Variants in CFAP54 observed in about 807,000 individuals in gnomAD.
CFAP54 encodes cilia and flagella associated protein 54.
Under a neutral mutation model 370.4 loss-of-function variants are expected in CFAP54, and 290 were observed. That is an observed-to-expected ratio of 0.78 (90% CI 0.71 to 0.86). The LOEUF is 0.86. Among genes scored for constraint, CFAP54 ranks in the 40% least tolerant of loss-of-function variants. The pLI, the probability that CFAP54 is intolerant of heterozygous loss-of-function variation, is 0.00. For synonymous variants in CFAP54, 1,206 were observed against 1,236.5 expected (o/e 0.98, Z 0.52); for missense variants, 3,399 against 3,528.7 (o/e 0.96, Z 0.93).
In CFAP54 at chr12:96,580,952, GA is replaced by G; in HGVS notation, c.2925del (p.Gly976ValfsTer2). The G allele has an allele frequency of 6.6e-7, 1 of 1,519,594 alleles. No homozygotes were observed. Among genetic ancestry groups the G allele is most frequent in the South Asian group, 1.2e-5 (1 of 80,920 alleles). 94.1% of individuals were successfully genotyped at this position (1,519,594 alleles called of 1,614,324 possible). A position where few individuals can be genotyped will look rare whatever the true frequency, so the allele number is the denominator to read the frequency against. On this transcript the variant is annotated frameshift_variant, in exon 22 of 68. Coordinates refer to ENST00000524981, the MANE Select transcript of CFAP54 (RefSeq NM_001306084.2). LOFTEE classifies it high-confidence loss of function. ...PADGKSVFEV[K>X]GLETNEKYVF... ...CTGACGGTAAAAGTGTTTTTGAAGT[GA>G]AAGGTTTAGAAACCAATGAAAAGTA...
chr12:96,521,547 T>TGTGTGC (rs1323195775), intron 6 of CFAP54, among the ~76,000 whole-genome samples: 90 of 39,540 alleles, frequency 2.3e-3, no homozygotes, highest in African/African-American at 8.1e-3. Flanking sequence ...TGTGTGTGTG[T>TGTGTGC]GCGCGTGCGC....
chr12:96,620,206 T>A (rs921922901), intron 26 of CFAP54, among the ~76,000 whole-genome samples: 17 of 152,138 alleles, frequency 1.1e-4, no homozygotes, highest in African/African-American at 4.1e-4. Context: ...CTTCCCTGCA[T>A]GAGAAGTAAC....
chr12:96,763,862 A>C (rs1191621061), intron 58 of CFAP54, among the ~76,000 whole-genome samples: 1 of 152,220 alleles, frequency 6.6e-6, no homozygotes. Flanking sequence ...AATGATAAGA[A>C]TAATTTAACT....
intron 34 of CFAP54, among the ~76,000 whole-genome samples, chr12:96,648,779 G>T (rs186873960): frequency 2.0e-5 from 3 of 151,560 alleles, no homozygotes; most frequent in Non-Finnish European, 4.4e-5. Context: ...TAGTAAAGAC[G>T]GGGTTTCACT....
chr12:96,636,814 T>A (rs815907), intron 32 of CFAP54, among the ~76,000 whole-genome samples: 2,840 of 152,306 alleles, frequency 0.019, 102 homozygotes, highest in African/African-American at 0.066. Flanking sequence ...ATTAGCTGGG[T>A]GTGGCGGCAC....
rs1296870174 is a variant in CFAP54, at chr12:96,643,808, G to T, written c.4317-370G>T. On this transcript the variant is annotated intron_variant, in intron 32 of 67. Transcript: ENST00000524981. ...TCCTTAAGGACCAATATAGAGAAAT[G>T]ATTTTCTTGTTTAATATTGAATTTA... Among the ~76,000 whole-genome samples, 9 of 152,210 alleles carry T rather than the reference G, an allele frequency of 5.9e-5. No individual in the cohort carries two copies. The South Asian group carries it at 1.9e-3, about 32-fold the overall frequency.
At chr12:96,717,310 C>T (rs1957694429) in intron 48 of CFAP54, among the ~76,000 whole-genome samples, 1 of 152,152 alleles carries the variant, frequency 6.6e-6, no homozygotes, top group Admixed American at 6.6e-5. Context: ...CCTGCTGGGC[C>T]TTCCAAGAGC....
chr12:96,544,767 T>C (rs1955619753), intron 14 of CFAP54, among the ~76,000 whole-genome samples: 1 of 152,142 alleles, frequency 6.6e-6, no homozygotes, highest in African/African-American at 2.4e-5. Context: ...TTTCTTACAG[T>C]TGTGGAGGCT....
At chr12:96,601,319 G>A (rs1442203607) in intron 26 of CFAP54, among the ~76,000 whole-genome samples, 2 of 152,170 alleles carry the variant, frequency 1.3e-5, no homozygotes, top group Non-Finnish European at 2.9e-5. Flanking sequence ...CTTGATCGTG[G>A]TGGATAAGCT....
chr12:96,870,903 C>A (rs548197113), intron 67 of CFAP54, among the ~76,000 whole-genome samples: 2 of 152,284 alleles, frequency 1.3e-5, no homozygotes, highest in African/African-American at 4.8e-5. Context: ...TGGAAACAAA[C>A]TAGGTGAGGT....
At chr12:96,540,686 A>G (rs939734619) in intron 13 of CFAP54, 151 bp from the exon 14 acceptor site, 2 of 412,926 alleles carry the variant, frequency 4.8e-6, no homozygotes, top group Non-Finnish European at 8.4e-6. Context: ...GTTATTTATA[A>G]TTAAGGCGTT....
chr12:96,491,147 T>C (rs879691538), intron 1 of CFAP54, among the ~76,000 whole-genome samples: 3 of 151,964 alleles, frequency 2.0e-5, no homozygotes, highest in Non-Finnish European at 4.4e-5. Context: ...AGTGTTGCAA[T>C]TTTAAATGGG....
chr12:96,553,679 C>G (rs562910090), intron 15 of CFAP54, among the ~76,000 whole-genome samples: 1 of 151,270 alleles, frequency 6.6e-6, no homozygotes, highest in East Asian at 1.9e-4. Context: ...TTACATTATT[C>G]TCTATATTTG....
chr12:96,850,349 A>C (rs932270779), intron 66 of CFAP54, among the ~76,000 whole-genome samples: 9 of 151,706 alleles, frequency 5.9e-5, no homozygotes. Flanking sequence ...TAAAAAAAAA[A>C]AATAGCACTG....
intron 66 of CFAP54, among the ~76,000 whole-genome samples, chr12:96,849,149 A>AGAGAAAAGT (rs1182845329): frequency 6.6e-6 from 1 of 152,256 alleles, no homozygotes; most frequent in Non-Finnish European, 1.5e-5. Context: ...CATTAACTTC[A>AGAGAAAAGT]GAGAAAAGTG....
intron 62 of CFAP54, among the ~76,000 whole-genome samples, chr12:96,791,643 T>C (rs767274007): frequency 6.6e-6 from 1 of 152,184 alleles, no homozygotes; most frequent in South Asian, 2.1e-4. Flanking sequence ...AAAATACTAT[T>C]GGAAAAATAA....
chr12:96,533,855 T>G lies in CFAP54; in HGVS notation c.1421T>G (p.Ile474Arg). 1 of 1,535,108 alleles carries G rather than the reference T, an allele frequency of 6.5e-7. No individual in the cohort carries two copies. Among genetic ancestry groups the G allele is most frequent in the Non-Finnish European group, 8.7e-7 (1 of 1,146,372 alleles). ...FPKTSLLELM[I>R]GRKDVISVDA... ...AAAACATCTCTTCTGGAACTTATGA[T>G]AGGAAGAAAAGATGTTATTTCTGTG... is the stretch of plus-strand genomic sequence containing the variant. The change falls in exon 10 of 68, where the codon ATA becomes AGA. Residue 474 changes from isoleucine to arginine, a missense_variant. Coordinates refer to ENST00000524981, the MANE Select transcript of CFAP54 (RefSeq NM_001306084.2).
At chr12:96,673,983 G>A (rs1222304617) in intron 39 of CFAP54, among the ~76,000 whole-genome samples, 1 of 152,200 alleles carries the variant, frequency 6.6e-6, no homozygotes, top group African/African-American at 2.4e-5. Context: ...GTATGGGTGA[G>A]TAACTTGCCT....
At chr12:96,555,016 T>A in intron 17 of CFAP54, 1 of 369,580 alleles carries the variant, frequency 2.7e-6, no homozygotes, top group Non-Finnish European at 4.7e-6. Context: ...GTAAACTTCT[T>A]AAAAAGTTAA....
Sources: allele counts gnomAD v4.1 joint callset (sites outside exome capture counted in the v4.1 genomes callset), GRCh38; gene constraint gnomAD v4.1.1; transcripts MANE v1.5; gene names NCBI Gene and HGNC (gene_info 2026-07-23, HGNC 2026-07-21).